Variants in SUMF1 observed in about 807,000 individuals in gnomAD.
The protein encoded by SUMF1 is sulfatase modifying factor 1.
SUMF1 carries 48 observed loss-of-function variants against 47.6 expected under a neutral mutation model. The ratio of observed to expected loss-of-function variants is 1.01; its 90% CI spans 0.80 to 1.28. The LOEUF (loss-of-function observed/expected upper bound fraction) is 1.28. Ranked by LOEUF, SUMF1 falls within the 50% of genes most tolerant of loss-of-function variation. The pLI is 0.00. For synonymous variants in SUMF1, 230 were observed against 192.1 expected, an observed-to-expected ratio of 1.20 and a Z score of -1.63; for missense variants, 571 against 485.4, an observed-to-expected ratio of 1.18 and a Z score of -1.66.
chr3:4,200,750 G>C (rs1431402194), intron 8 of SUMF1, among the ~76,000 whole-genome samples: 1 of 151,994 alleles, frequency 6.6e-6, no homozygotes, highest in Non-Finnish European at 1.5e-5. Flanking sequence ...TATCCATACA[G>C]GATTCTGTCT....
chr3:4,363,053 G>A (rs767176305), intron 8 of SUMF1, among the ~76,000 whole-genome samples: 1 of 152,196 alleles, frequency 6.6e-6, no homozygotes, highest in African/African-American at 2.4e-5. Context: ...GTGCACAGTA[G>A]TTATCCCTCA....
intron 8 of SUMF1, among the ~76,000 whole-genome samples, chr3:4,290,504 C>G (rs1697718306): frequency 6.6e-6 from 1 of 152,122 alleles, no homozygotes; most frequent in Non-Finnish European, 1.5e-5. Context: ...GCTACAGAGC[C>G]AAAGCACATT....
At chr3:4,339,848 A>G (rs1002166386) in intron 8 of SUMF1, among the ~76,000 whole-genome samples, 1 of 152,154 alleles carries the variant, frequency 6.6e-6, no homozygotes, top group Non-Finnish European at 1.5e-5. Context: ...AGGCCGAGGC[A>G]GGCAGATTGC....
At chr3:4,373,728 C>G (rs906478689) in intron 8 of SUMF1, among the ~76,000 whole-genome samples, 2 of 152,006 alleles carry the variant, frequency 1.3e-5, no homozygotes, top group Non-Finnish European at 2.9e-5. Flanking sequence ...ACCCTGAAAC[C>G]AAAATCAGAT....
At chr3:4,363,462 G>C (rs1047616089) in intron 8 of SUMF1, among the ~76,000 whole-genome samples, 1 of 151,616 alleles carries the variant, frequency 6.6e-6, no homozygotes, top group African/African-American at 2.4e-5. Context: ...TGGATTCCTA[G>C]GTATTTTATT....
At chr3:4,181,249 G>C (rs1695089736) in intron 8 of SUMF1, among the ~76,000 whole-genome samples, 1 of 152,056 alleles carries the variant, frequency 6.6e-6, no homozygotes, top group African/African-American at 2.4e-5. Context: ...CTTTTGCTCA[G>C]GGGAGCCTTC....
At chr3:4,222,080 TATA>T (rs1424168447) in intron 8 of SUMF1, among the ~76,000 whole-genome samples, 2 of 152,102 alleles carry the variant, frequency 1.3e-5, no homozygotes, top group Admixed American at 1.3e-4. Flanking sequence ...ACAACAAATA[TATA>T]ATAAGATTTC....
chr3:4,256,604 T>C (rs1269513822), intron 8 of SUMF1, among the ~76,000 whole-genome samples: 1 of 150,052 alleles, frequency 6.7e-6, no homozygotes, highest in Non-Finnish European at 1.5e-5. Context: ...TAACAGGAGC[T>C]GAAATTGTGG....
At chr3:4,209,940 G>C (rs1314022768) in intron 8 of SUMF1, among the ~76,000 whole-genome samples, 4 of 152,048 alleles carry the variant, frequency 2.6e-5, no homozygotes, top group Admixed American at 6.6e-5. Context: ...TGTCACCCAG[G>C]CTGGAGTGCA....
At chr3:4,198,824 G>C (rs949350839) in intron 8 of SUMF1, among the ~76,000 whole-genome samples, 1 of 151,236 alleles carries the variant, frequency 6.6e-6, no homozygotes, top group Admixed American at 6.6e-5. Context: ...CTGCTCTGGG[G>C]AATAATCCCT....
intron 8 of SUMF1, among the ~76,000 whole-genome samples, chr3:4,365,643 A>ATGTGTGTCTCTG (rs1308468905): frequency 6.8e-6 from 1 of 146,754 alleles, no homozygotes; most frequent in Admixed American, 6.9e-5. Flanking sequence ...TGAATACAGC[A>ATGTGTGTCTCTG]CACTGATGGG....
rs368011517 is a variant in SUMF1, at chr3:4,155,826, A to G, written c.1015-87081T>C. ...CCAGAGGGGAAATGCCCTAACATCAAATTAAACCCAGGACCAAAAATCAAT... is the reference window on the plus strand; with the variant it reads ...CCAGAGGGGAAATGCCCTAACATCAGATTAAACCCAGGACCAAAAATCAAT... On this transcript the variant is annotated intron_variant and NMD_transcript_variant, in intron 8 of 12. Transcript: ENST00000448413. Among the ~76,000 whole-genome samples, 14 of 151,028 alleles carry G rather than the reference A, an allele frequency of 9.3e-5. 3 individuals are homozygous for G. The highest frequency in any genetic ancestry group is 6.6e-5 in the Admixed American group (1 of 15,226).
intron 8 of SUMF1, among the ~76,000 whole-genome samples, chr3:4,267,269 T>A (rs1697215075): frequency 6.6e-6 from 1 of 152,158 alleles, no homozygotes; most frequent in Non-Finnish European, 1.5e-5. Context: ...TCCCTCTTTT[T>A]CTATTGATTG....
chr3:4,112,990 C>T (rs1312457592), intron 8 of SUMF1, among the ~76,000 whole-genome samples: 1 of 152,042 alleles, frequency 6.6e-6, no homozygotes, highest in Admixed American at 6.6e-5. Flanking sequence ...TGTTCTGATC[C>T]CATACGCACT....
chr3:4,038,960 A>G (rs1694854636), intron 9 of SUMF1, among the ~76,000 whole-genome samples: 1 of 152,224 alleles, frequency 6.6e-6, no homozygotes, highest in Non-Finnish European at 1.5e-5. Flanking sequence ...CTCACAATTA[A>G]GACAGCAACT....
At chr3:4,405,001 G>A (rs776297237) in intron 7 of SUMF1, among the ~76,000 whole-genome samples, 3 of 152,264 alleles carry the variant, frequency 2.0e-5, no homozygotes, top group Non-Finnish European at 2.9e-5. Flanking sequence ...CAGTCTCATC[G>A]CCTGGGCAGA....
chr3:4,168,671 T>C (rs1421498660), intron 8 of SUMF1, among the ~76,000 whole-genome samples: 1 of 152,178 alleles, frequency 6.6e-6, no homozygotes, highest in East Asian at 1.9e-4. Flanking sequence ...AAATCTCTAT[T>C]TTGCCACTTT....
At chr3:4,211,796 C>A (rs1314052445) in intron 8 of SUMF1, among the ~76,000 whole-genome samples, 1 of 152,134 alleles carries the variant, frequency 6.6e-6, no homozygotes, top group Non-Finnish European at 1.5e-5. Flanking sequence ...GTTTTATGCT[C>A]ATAGTGTAAA....
chr3:4,289,163 G>C (rs1203924897), intron 8 of SUMF1, among the ~76,000 whole-genome samples: 1 of 152,200 alleles, frequency 6.6e-6, no homozygotes, highest in Non-Finnish European at 1.5e-5. Context: ...GGAAAATGGG[G>C]AAGATAGTGA....
Sources: gnomAD v4.1 joint callset for allele counts (sites outside exome capture counted in the v4.1 genomes callset) on GRCh38, gnomAD v4.1.1 for gene constraint, MANE v1.5 for transcripts, NCBI Gene and HGNC (gene_info 2026-07-23, HGNC 2026-07-21) for gene names.